Variants in UNC13C observed in about 807,000 individuals in gnomAD.
The protein encoded by UNC13C is protein unc-13 homolog C.
In UNC13C, 174 loss-of-function variants were observed where a neutral mutation model predicts 245.4. The ratio of observed to expected loss-of-function variants is 0.71; its 90% CI spans 0.63 to 0.80. The LOEUF (loss-of-function observed/expected upper bound fraction) is 0.80. Among genes scored for constraint, UNC13C ranks in the 30% least tolerant of loss-of-function variants. UNC13C has a pLI of 0.00. For synonymous variants in UNC13C, 992 were observed against 895.1 expected (o/e 1.11, Z -1.93); for missense variants, 2,829 against 2,602.9 (o/e 1.09, Z -1.89).
At chr15:54,532,624 C>G (rs1895802055) in intron 25 of UNC13C, among the ~76,000 whole-genome samples, 3 of 151,554 alleles carry the variant, frequency 2.0e-5, no homozygotes, top group African/African-American at 7.3e-5. Flanking sequence ...GTCATTTTCC[C>G]AAACCGTGCT....
At chr15:54,027,911 A>G (rs550296969) in intron 2 of UNC13C, among the ~76,000 whole-genome samples, 83 of 152,096 alleles carry the variant, frequency 5.5e-4, no homozygotes, top group Non-Finnish European at 9.9e-4. Context: ...AGGGAATAGA[A>G]GCGCCTTCTT....
At chr15:54,342,185 A>C (rs954481988) in intron 17 of UNC13C, among the ~76,000 whole-genome samples, 5 of 152,092 alleles carry the variant, frequency 3.3e-5, no homozygotes, top group Admixed American at 6.5e-5. Flanking sequence ...GTTACTTATT[A>C]ATTTATAGAA....
intron 2 of UNC13C, among the ~76,000 whole-genome samples, chr15:54,094,043 A>G (rs1283442461): frequency 3.5e-5 from 4 of 115,640 alleles, no homozygotes; most frequent in Non-Finnish European, 5.6e-5. Context: ...TTCATTTCCA[A>G]GAAGACAGGC....
At chr15:54,228,205 A>G (rs1444798113) in intron 4 of UNC13C, among the ~76,000 whole-genome samples, 1 of 152,040 alleles carries the variant, frequency 6.6e-6, no homozygotes, top group Admixed American at 6.5e-5. Flanking sequence ...CTCTTTCGTC[A>G]GCTTGTGGTG....
chr15:54,469,105 C>A (rs1387849987), intron 19 of UNC13C, among the ~76,000 whole-genome samples: 2 of 151,496 alleles, frequency 1.3e-5, no homozygotes, highest in African/African-American at 4.8e-5. Flanking sequence ...CCTCCAATTT[C>A]TTTTATCAAT....
chr15:54,160,088 A>G (rs938905406), intron 4 of UNC13C, among the ~76,000 whole-genome samples: 1 of 152,088 alleles, frequency 6.6e-6, no homozygotes, highest in Non-Finnish European at 1.5e-5. Flanking sequence ...AAACTAGACA[A>G]TTGGAAGACT....
At chr15:54,057,667 A>G (rs1897600017) in intron 2 of UNC13C, among the ~76,000 whole-genome samples, 1 of 152,208 alleles carries the variant, frequency 6.6e-6, no homozygotes, top group Non-Finnish European at 1.5e-5. Flanking sequence ...CATTCTTTTC[A>G]GCACCACACC....
chr15:54,534,456 G>T (rs966464237), intron 26 of UNC13C, among the ~76,000 whole-genome samples: 3 of 152,280 alleles, frequency 2.0e-5, no homozygotes, highest in Admixed American at 1.3e-4. Context: ...CAACTTAAAA[G>T]ATTAAAGGAA....
At chr15:54,477,125 A>T (rs1466389706) in intron 19 of UNC13C, among the ~76,000 whole-genome samples, 1 of 107,414 alleles carries the variant, frequency 9.3e-6, no homozygotes, top group Non-Finnish European at 1.9e-5. Context: ...TTGTTGGTGT[A>T]TAAGAATGCT....
At chr15:53,911,495 A>G in the UNC13C span, 1 of 152,062 alleles carries the variant, frequency 6.6e-6, no homozygotes, top group Non-Finnish European at 1.5e-5. Context: ...ACCCCCACTG[A>G]TTTGAGGGAA....
At chr15:54,038,122 A>AAAAATTTTTTTTTT (rs1896658005) in intron 2 of UNC13C, among the ~76,000 whole-genome samples, 2 of 50,256 alleles carry the variant, frequency 4.0e-5, no homozygotes, top group African/African-American at 1.9e-4. Flanking sequence ...ATATATATAT[A>AAAAATTTTTTTTTT]TATTTTTTTT....
intron 7 of UNC13C, among the ~76,000 whole-genome samples, chr15:54,244,111 G>C (rs1302405653): frequency 6.6e-6 from 1 of 152,008 alleles, no homozygotes; most frequent in Non-Finnish European, 1.5e-5. Flanking sequence ...ATAGTTTTGG[G>C]GTTTTATATT....
chr15:54,555,258 CAGAG>C (rs1372288495), intron 28 of UNC13C, among the ~76,000 whole-genome samples, 170 bp from the exon 29 acceptor site: 1 of 151,946 alleles, frequency 6.6e-6, no homozygotes, highest in South Asian at 2.1e-4. Flanking sequence ...CTTCCTTTGA[CAGAG>C]AGGAGATTTA....
intron 1 of UNC13C, among the ~76,000 whole-genome samples, chr15:54,004,004 C>T (rs1895023259): frequency 6.6e-6 from 1 of 152,090 alleles, no homozygotes; most frequent in Non-Finnish European, 1.5e-5. Flanking sequence ...GAGTGAGACT[C>T]CATCTGAAAC....
intron 2 of UNC13C, among the ~76,000 whole-genome samples, chr15:54,131,326 G>A (rs2031400797): frequency 6.6e-6 from 1 of 152,108 alleles, no homozygotes; most frequent in Non-Finnish European, 1.5e-5. Flanking sequence ...TCATTCTCTT[G>A]CTTGAAAATA....
At chr15:54,490,297 T>C (rs1401057256) in intron 19 of UNC13C, among the ~76,000 whole-genome samples, 1 of 152,178 alleles carries the variant, frequency 6.6e-6, no homozygotes, top group Non-Finnish European at 1.5e-5. Context: ...ATCTTTCCTA[T>C]CTCCTTTCCC....
the UNC13C span, among the ~76,000 whole-genome samples, chr15:53,869,474 C>G: frequency 1.3e-5 from 2 of 152,150 alleles, no homozygotes; most frequent in Admixed American, 1.3e-4. Context: ...AATCATTTTT[C>G]TTTCAATGTT....
chr15:54,120,332 T>C (rs2030580762), intron 2 of UNC13C, among the ~76,000 whole-genome samples: 1 of 152,166 alleles, frequency 6.6e-6, no homozygotes, highest in African/African-American at 2.4e-5. Flanking sequence ...TCTACTCTAC[T>C]TGTGCTCTGT....
intron 2 of UNC13C, among the ~76,000 whole-genome samples, chr15:54,031,943 A>G (rs1469505768): frequency 6.6e-6 from 1 of 152,192 alleles, no homozygotes; most frequent in African/African-American, 2.4e-5. Flanking sequence ...TAATTTTTCC[A>G]CAGGGCTTGA....
Sources: allele counts gnomAD v4.1 joint callset (sites outside exome capture counted in the v4.1 genomes callset), GRCh38; gene constraint gnomAD v4.1.1; transcripts MANE v1.5; gene names NCBI Gene and HGNC (gene_info 2026-07-23, HGNC 2026-07-21).